HSF5: variants seen among roughly 807,000 people sequenced by gnomAD.
HSF5 encodes the protein heat shock factor protein 5.
Under a neutral mutation model 50.8 loss-of-function variants are expected in HSF5, and 5 were observed. The observed-to-expected ratio is 0.10, with a 90% CI of 0.05 to 0.21. The LOEUF (loss-of-function observed/expected upper bound fraction) is 0.21, where lower values mean the gene tolerates loss of function less well. HSF5 is among the 10% of genes least tolerant of loss of function. The probability of loss-of-function intolerance (pLI) is 1.00; values close to 1 mark genes in which losing one functional copy is unlikely to be tolerated. For missense variants in HSF5, 564 were observed against 762.6 expected (o/e 0.74, Z 3.07); for synonymous variants, 307 against 307.4 (o/e 1.00, Z 0.02).
At position 58,455,327 on chromosome 17, in the gene HSF5, C is replaced by G. The variant is rs143515572; in HGVS notation, c.1720+3441G>C. ...TTCTCACCATATATAAAAATCAACT[C>G]TAAATTGATTAAATACTTAAATGTA... On this transcript the variant is annotated intron_variant, in intron 5 of 5. Transcript: ENST00000323777. 4.7e-3 allele frequency among the ~76,000 whole-genome samples: 710 copies of G among 152,178 alleles called. 6 individuals are homozygous for G. The highest frequency in any genetic ancestry group is 0.016 in the African/African-American group (676 of 41,522).
At chr17:58,429,571 C>T (rs1476545728) in intron 5 of HSF5, among the ~76,000 whole-genome samples, 1 of 151,808 alleles carries the variant, frequency 6.6e-6, no homozygotes, top group African/African-American at 2.4e-5. Context: ...TTTGGCCAGG[C>T]GTGGTGGCTC....
intron 5 of HSF5, among the ~76,000 whole-genome samples, chr17:58,455,617 A>G (rs559789583): frequency 9.9e-5 from 15 of 152,278 alleles, no homozygotes; most frequent in African/African-American, 3.4e-4. Context: ...GAATTTAAGC[A>G]ACTCAGAAGC....
intron 2 of HSF5, among the ~76,000 whole-genome samples, chr17:58,478,523 G>A (rs1826086305): frequency 6.8e-6 from 1 of 147,424 alleles, no homozygotes; most frequent in African/African-American, 2.5e-5. Context: ...AAATACATTT[G>A]AGTGAAATGG....
chr17:58,427,062 G>C (rs945801919), intron 5 of HSF5, among the ~76,000 whole-genome samples: 1 of 151,994 alleles, frequency 6.6e-6, no homozygotes, highest in African/African-American at 2.4e-5. Context: ...GACCAGCCTA[G>C]GCAACATGGT....
intron 5 of HSF5, 118 bp from the exon 6 acceptor site, chr17:58,422,548 T>C (rs1974240956): frequency 9.0e-6 from 6 of 669,806 alleles, no homozygotes; most frequent in South Asian, 2.1e-5. Context: ...TCTAAAATTG[T>C]ATAGTCCCAT....
In HSF5 at chr17:58,420,702, A is replaced by C. The variant is rs1974218926; in HGVS notation, c.*1658T>G. 1 of 152,224 alleles carries C rather than the reference A, an allele frequency of 6.6e-6. No individual in the cohort carries two copies. The highest frequency in any genetic ancestry group is 6.5e-5 in the Admixed American group (1 of 15,282). 9.4% of individuals were successfully genotyped at this position (152,224 alleles called of 1,614,324 possible). On this transcript the variant is annotated 3_prime_UTR_variant, in exon 6 of 6. Transcript: ENST00000323777. ...CTGGCCAAAAGATATAGGTGTCTTG[A>C]TAATTTGCTCTTTTAAACCTTGCTA...
At chr17:58,476,289 G>T in intron 2 of HSF5, 1 of 992,212 alleles carries the variant, frequency 1.0e-6, no homozygotes, top group Non-Finnish European at 1.6e-6. Flanking sequence ...CAGGAACCAA[G>T]TGGTACTGTA....
intron 1 of HSF5, 49 bp from the exon 2 acceptor site, chr17:58,480,316 A>T: frequency 6.5e-7 from 1 of 1,532,410 alleles, no homozygotes; most frequent in Non-Finnish European, 8.8e-7. Flanking sequence ...TTACATCACC[A>T]GACATAGTAA....
chr17:58,482,476 A>C (rs1314349499), intron 1 of HSF5, among the ~76,000 whole-genome samples: 1 of 151,982 alleles, frequency 6.6e-6, no homozygotes, highest in African/African-American at 2.4e-5. Context: ...TGGGAGGCTG[A>C]GGAGGGCAGA....
intron 2 of HSF5, chr17:58,476,046 C>A (rs1172213080): frequency 4.6e-6 from 2 of 433,642 alleles, no homozygotes; most frequent in East Asian, 1.1e-4. Context: ...ACAAAAAAAA[C>A]AAAACCAAAA....
Position 58,462,819 on chromosome 17 carries a change from A to G in HSF5, c.1505T>C (p.Val502Ala), listed in dbSNP as rs1974810941. 6.2e-7 allele frequency: 1 copy of G among 1,612,388 alleles called. No individual in the cohort carries two copies. Among genetic ancestry groups the G allele is most frequent in the Non-Finnish European group, 8.5e-7 (1 of 1,179,080 alleles). The change falls in exon 4 of 6, where the codon GTA becomes GCA. Residue 502 changes from valine (V) to alanine (A), a missense_variant. Physicochemically the swap from Val to Ala is moderately conservative, Grantham distance 64. Transcript: ENST00000323777. Reference protein sequence around the residue: ...LNHNPSPSSVVFVQEGPPFST... With the variant: ...LNHNPSPSSVAFVQEGPPFST... The stretch of plus-strand genomic sequence containing the variant: ...GAATGGTGGCCCTTCCTGCACAAAT[A>G]CTACTGAAGATGGAGATGGATTATG...
In HSF5 at chr17:58,476,866, CTG is replaced by C. The variant is rs1687033046; in HGVS notation, c.925+3025_925+3026del. 1.0e-5 allele frequency: 14 copies of C among 1,356,558 alleles called. No individual in the cohort carries two copies. In the South Asian group the frequency reaches 1.7e-4, roughly 17 times the overall value. 84.0% of individuals were successfully genotyped at this position (1,356,558 alleles called of 1,614,324 possible). A position where few individuals can be genotyped will look rare whatever the true frequency, so the allele number is the denominator to read the frequency against. ...CATCAATGTGTTCAATTGCTTCTTG[CTG>C]TTTTTTTTTTCCTGAGGTCTCGTCG... On this transcript the variant is annotated intron_variant, in intron 2 of 5. Coordinates refer to ENST00000323777, the MANE Select transcript of HSF5 (RefSeq NM_001080439.3).
At position 58,422,050 on chromosome 17, in the gene HSF5, T is replaced by C. The variant is rs1172303129; in HGVS notation, c.*310A>G. On this transcript the variant is annotated 3_prime_UTR_variant, in exon 6 of 6. Transcript: ENST00000323777. Reference sequence around the variant, plus strand: ...CACACACAGATTATTCTTAGTACCATAGATGGAGCAGTTTTTAGATGCTCC... The same window carrying C: ...CACACACAGATTATTCTTAGTACCACAGATGGAGCAGTTTTTAGATGCTCC... 5 of 270,160 alleles carry C rather than the reference T, an allele frequency of 1.9e-5. No homozygotes were observed. Among genetic ancestry groups the C allele is most frequent in the African/African-American group, 2.2e-5 (1 of 44,960 alleles). The allele number at this position is 270,160 out of a possible 1,614,324, so 16.7% of individuals were successfully genotyped here. A position where few individuals can be genotyped will look rare whatever the true frequency, so the allele number is the denominator to read the frequency against.
At chr17:58,437,952 A>G (rs1359064631) in intron 5 of HSF5, among the ~76,000 whole-genome samples, 1 of 152,236 alleles carries the variant, frequency 6.6e-6, no homozygotes, top group Non-Finnish European at 1.5e-5. Flanking sequence ...GTCAAAACTC[A>G]TAAGCATTTT....
At chr17:58,469,162 G>A (rs1322709472) in intron 2 of HSF5, among the ~76,000 whole-genome samples, 8 of 150,512 alleles carry the variant, frequency 5.3e-5, no homozygotes. Context: ...TAGCCACCCA[G>A]AAGTAGAGAA....
chr17:58,433,612 A>G (rs1446058947), intron 5 of HSF5, among the ~76,000 whole-genome samples: 1 of 152,226 alleles, frequency 6.6e-6, no homozygotes, highest in Non-Finnish European at 1.5e-5. Context: ...TTGGCCAGTG[A>G]AAACTAGGAA....
chr17:58,450,338 C>CAAAAAAAAAAAAAAAA (rs758990551), intron 5 of HSF5, among the ~76,000 whole-genome samples: 1 of 51,938 alleles, frequency 1.9e-5, no homozygotes, highest in Non-Finnish European at 3.2e-5. Context: ...GACTTTGTCT[C>CAAAAAAAAAAAAAAAA]AAAAAAAAAA....
intron 5 of HSF5, among the ~76,000 whole-genome samples, chr17:58,446,346 C>T (rs1974562676): frequency 6.6e-6 from 1 of 152,170 alleles, no homozygotes; most frequent in South Asian, 2.1e-4. Context: ...AAAGGACAGT[C>T]TCACATTGCC....
chr17:58,445,500 T>C (rs1304068863), intron 5 of HSF5, among the ~76,000 whole-genome samples: 4 of 152,208 alleles, frequency 2.6e-5, no homozygotes. Context: ...GCAACCTAAA[T>C]GTCTATTAAG....
Sources: gnomAD v4.1 joint callset for allele counts (sites outside exome capture counted in the v4.1 genomes callset) on GRCh38, gnomAD v4.1.1 for gene constraint, MANE v1.5 for transcripts, NCBI Gene and HGNC (gene_info 2026-07-23, HGNC 2026-07-21) for gene names.